GBP7: variants seen among roughly 807,000 people sequenced by gnomAD.
GBP7 encodes the protein guanylate-binding protein 7.
A neutral mutation model predicts 61.3 loss-of-function variants in GBP7; 43 were observed. That is an observed-to-expected ratio of 0.70 (90% CI 0.55 to 0.91). GBP7 has a LOEUF of 0.91. Among genes scored for constraint, GBP7 ranks in the 40% least tolerant of loss-of-function variants. The pLI is 0.00. For synonymous variants in GBP7, 267 were observed against 271.0 expected (o/e 0.99, Z 0.14); for missense variants, 717 against 740.5 (o/e 0.97, Z 0.37).
intron 10 of GBP7, 57 bp downstream of exon 10, chr1:89,133,201 C>T: frequency 1.4e-6 from 2 of 1,408,500 alleles, no homozygotes; most frequent in Non-Finnish European, 2.0e-6. Flanking sequence ...TTGGCTCTTC[C>T]CTAAATGAGG....
intron 3 of GBP7, among the ~76,000 whole-genome samples, chr1:89,162,256 G>T (rs976091237): frequency 6.6e-6 from 1 of 152,060 alleles, no homozygotes; most frequent in African/African-American, 2.4e-5. Flanking sequence ...TTTTGCCTGA[G>T]CTCTTTTTCT....
chr1:89,137,130 T>A (rs1230896458), intron 9 of GBP7, among the ~76,000 whole-genome samples: 2 of 151,858 alleles, frequency 1.3e-5, no homozygotes, highest in African/African-American at 4.8e-5. Flanking sequence ...TGGAACAGAC[T>A]AATAACAAGT....
In GBP7 at chr1:89,152,790, A is replaced by T. The variant is rs771451038; in HGVS notation, c.319-13T>A. On this transcript the variant is annotated splice_polypyrimidine_tract_variant and intron_variant, in intron 3 of 10. Transcript: ENST00000294671. Reference sequence around the variant, plus strand: ...TCTTAGGGTCACTCTAGTGTTAAAGAAAAAAAAAAAAAAAATGGAAGCCAC... The same window carrying T: ...TCTTAGGGTCACTCTAGTGTTAAAGTAAAAAAAAAAAAAAATGGAAGCCAC... The T allele has an allele frequency of 7.1e-4, 72 of 101,934 alleles. No individual in the cohort carries two copies. Among genetic ancestry groups the T allele is most frequent in the South Asian group, 1.9e-3 (13 of 6,876 alleles). 6.3% of individuals were successfully genotyped at this position (101,934 alleles called of 1,614,324 possible). A position where few individuals can be genotyped will look rare whatever the true frequency, so the allele number is the denominator to read the frequency against.
At chr1:89,152,150 C>T in intron 5 of GBP7, 118 bp downstream of exon 5, 1 of 808,762 alleles carries the variant, frequency 1.2e-6, no homozygotes, top group Admixed American at 2.5e-5. Flanking sequence ...CACCAACCAC[C>T]ATGAGCAAGG....
At chr1:89,135,811 C>T (rs77566654) in intron 9 of GBP7, among the ~76,000 whole-genome samples, 10,088 of 151,912 alleles carry the variant, frequency 0.066, 604 homozygotes, top group African/African-American at 0.17. Context: ...CCACACATAT[C>T]AATATTAACT....
intron 9 of GBP7, among the ~76,000 whole-genome samples, chr1:89,138,336 CA>C (rs1681855677): frequency 6.6e-6 from 1 of 150,416 alleles, no homozygotes; most frequent in South Asian, 2.1e-4. Context: ...ACAACAACAA[CA>C]AAAAAACCCC....
At chr1:89,166,823 A>G (rs149353020) in intron 2 of GBP7, among the ~76,000 whole-genome samples, 111 of 152,352 alleles carry the variant, frequency 7.3e-4, no homozygotes, top group African/African-American at 2.6e-3. Flanking sequence ...CTAACTTGCA[A>G]TCAGAGTCCC....
rs148010640 is a variant in GBP7 at position 89,164,860 on chromosome 1, T to C, written c.191-2A>G. On this transcript the variant is annotated splice_acceptor_variant, in intron 2 of 10. Transcript: ENST00000294671. LOFTEE classifies it high-confidence loss of function. The stretch of plus-strand genomic sequence containing the variant: ...TCACTGTGCAGCCCAGAGGGAAGCC[T>C]TCAAGGGAAGAGGAGAAACAACATA... The C allele has an allele frequency of 9.2e-4, 1,483 of 1,613,390 alleles. 7 individuals carry two copies. In the African/African-American group the frequency reaches 0.017, roughly 18 times the overall value.
At chr1:89,148,975 A>C (rs907793911) in intron 7 of GBP7, among the ~76,000 whole-genome samples, 2 of 152,218 alleles carry the variant, frequency 1.3e-5, no homozygotes, top group Non-Finnish European at 2.9e-5. Flanking sequence ...ATATTAACTC[A>C]AATATTTGTC....
At chr1:89,132,610 A>G (rs1361310865) in intron 10 of GBP7, among the ~76,000 whole-genome samples, 1 of 152,184 alleles carries the variant, frequency 6.6e-6, no homozygotes, top group Non-Finnish European at 1.5e-5. Flanking sequence ...CCTCAGCACC[A>G]TCTCACTGGA....
At chr1:89,172,760 C>CTTTT in intron 1 of GBP7, among the ~76,000 whole-genome samples, 1 of 147,934 alleles carries the variant, frequency 6.8e-6, no homozygotes, top group Non-Finnish European at 1.5e-5. Flanking sequence ...TCTCATCATA[C>CTTTT]TTTTTTTTTT....
At chr1:89,148,675 A>T (rs760921338) in intron 7 of GBP7, among the ~76,000 whole-genome samples, 1 of 152,234 alleles carries the variant, frequency 6.6e-6, no homozygotes, top group Non-Finnish European at 1.5e-5. Flanking sequence ...TCCCCTGAGC[A>T]TACAGGTAAG....
At chr1:89,152,944 C>A (rs1162416451) in intron 3 of GBP7, among the ~76,000 whole-genome samples, 167 bp from the exon 4 acceptor site, 1 of 152,180 alleles carries the variant, frequency 6.6e-6, no homozygotes, top group Non-Finnish European at 1.5e-5. Flanking sequence ...CAGCATGATT[C>A]AGTGAAATTA....
At position 89,138,751 on chromosome 1, in the gene GBP7, A is replaced by G. The variant is rs551655068; in HGVS notation, c.1468+2795T>C. Among the ~76,000 whole-genome samples, 7 of 152,276 alleles carry G rather than the reference A, an allele frequency of 4.6e-5. No individual in the cohort carries two copies. The East Asian group carries it at 1.3e-3, about 29-fold the overall frequency. On this transcript the variant is annotated intron_variant, in intron 9 of 10. Coordinates refer to ENST00000294671, the MANE Select transcript of GBP7 (RefSeq NM_207398.3). ...ACCAAAAGAAAACCTAGGAAATACC[A>G]TTCTGGACATAGGCACTGGCAAAGA...
At chr1:89,154,672 CTTTAAA>C (rs1422664328) in intron 3 of GBP7, among the ~76,000 whole-genome samples, 6 of 146,974 alleles carry the variant, frequency 4.1e-5, no homozygotes, top group African/African-American at 1.0e-4. Context: ...TTTTTTTTAA[CTTTAAA>C]TTTAAGTTCA....
intron 2 of GBP7, among the ~76,000 whole-genome samples, chr1:89,167,478 G>A (rs1216584013): frequency 6.6e-6 from 1 of 152,046 alleles, no homozygotes; most frequent in Admixed American, 6.6e-5. Flanking sequence ...TTAATATTTT[G>A]TTTGGTCTGC....
At chr1:89,132,449 G>T in intron 10 of GBP7, 46 bp from the exon 11 acceptor site, 1 of 1,436,544 alleles carries the variant, frequency 7.0e-7, no homozygotes, top group Non-Finnish European at 9.4e-7. Context: ...CAATTTTTAA[G>T]AGACCGAGGT....
At chr1:89,152,910 CA>C in intron 3 of GBP7, 133 bp from the exon 4 acceptor site, 2 of 546,870 alleles carry the variant, frequency 3.7e-6, no homozygotes, top group Non-Finnish European at 6.1e-6. Context: ...AAAGGAAACA[CA>C]AATGTAAGCT....
intron 6 of GBP7, 46 bp from the exon 7 acceptor site, chr1:89,149,618 C>T: frequency 1.3e-6 from 2 of 1,524,540 alleles, no homozygotes; most frequent in South Asian, 1.2e-5. Context: ...AGTTTTCACT[C>T]ATTGTTTTAC....
Sources: gnomAD v4.1 joint callset for allele counts (sites outside exome capture counted in the v4.1 genomes callset) on GRCh38, gnomAD v4.1.1 for gene constraint, MANE v1.5 for transcripts, NCBI Gene and HGNC (gene_info 2026-07-23, HGNC 2026-07-21) for gene names.